CCDC91: variants seen among roughly 807,000 people sequenced by gnomAD.
The protein encoded by CCDC91 is coiled-coil domain-containing protein 91.
A neutral mutation model predicts 63.2 loss-of-function variants in CCDC91; 48 were observed. The ratio of observed to expected loss-of-function variants is 0.76; its 90% CI spans 0.60 to 0.97. The LOEUF (loss-of-function observed/expected upper bound fraction) is 0.97, where lower values mean the gene tolerates loss of function less well. CCDC91 is among the 50% of genes least tolerant of loss of function. CCDC91 has a pLI of 0.00. For synonymous variants in CCDC91, 167 were observed against 165.8 expected (o/e 1.01, Z -0.06); for missense variants, 500 against 494.6 (o/e 1.01, Z -0.10).
chr12:28,493,751 A>G (rs1006882020), intron 12 of CCDC91, among the ~76,000 whole-genome samples: 3 of 151,696 alleles, frequency 2.0e-5, no homozygotes, highest in African/African-American at 4.8e-5. Flanking sequence ...TACTGAAGGT[A>G]TCTCTTATAA....
intron 12 of CCDC91, among the ~76,000 whole-genome samples, chr12:28,491,046 A>G (rs1437453530): frequency 2.0e-5 from 3 of 151,844 alleles, no homozygotes; most frequent in Non-Finnish European, 4.4e-5. Flanking sequence ...ATGTAAATTT[A>G]TGTATGTACA....
At chr12:28,501,121 A>G (rs913548429) in intron 12 of CCDC91, among the ~76,000 whole-genome samples, 1 of 151,694 alleles carries the variant, frequency 6.6e-6, no homozygotes, top group African/African-American at 2.4e-5. Flanking sequence ...TGTAGCACCA[A>G]TTCTATAAGA....
intron 1 of CCDC91, among the ~76,000 whole-genome samples, chr12:28,198,273 T>C (rs1254245567): frequency 2.0e-5 from 3 of 152,196 alleles, no homozygotes; most frequent in Non-Finnish European, 4.4e-5. Flanking sequence ...TCAGAACTTC[T>C]GCAATTGTAG....
At chr12:28,242,207 G>A (rs1945393207) in intron 1 of CCDC91, among the ~76,000 whole-genome samples, 1 of 152,048 alleles carries the variant, frequency 6.6e-6, no homozygotes, top group South Asian at 2.1e-4. Context: ...CTTATAATGG[G>A]CCTTTCACAG....
intron 6 of CCDC91, among the ~76,000 whole-genome samples, chr12:28,339,032 G>C (rs1942221766): frequency 1.3e-5 from 2 of 152,124 alleles, no homozygotes; most frequent in South Asian, 4.2e-4. Flanking sequence ...GTAGAGACAG[G>C]GTTTCACCAT....
intron 6 of CCDC91, among the ~76,000 whole-genome samples, chr12:28,341,971 C>G (rs1359772411): frequency 1.3e-5 from 2 of 152,184 alleles, no homozygotes; most frequent in Non-Finnish European, 2.9e-5. Flanking sequence ...GAATATGTTG[C>G]ATGTCAAGAG....
At chr12:28,201,735 A>C (rs1301825630) in intron 1 of CCDC91, among the ~76,000 whole-genome samples, 1 of 142,826 alleles carries the variant, frequency 7.0e-6, no homozygotes, top group Non-Finnish European at 1.6e-5. Context: ...CAGCCTGGGC[A>C]TCATTGAGCA....
intron 1 of CCDC91, among the ~76,000 whole-genome samples, chr12:28,253,579 T>G (rs1946259460): frequency 6.6e-6 from 1 of 152,222 alleles, no homozygotes; most frequent in East Asian, 1.9e-4. Flanking sequence ...GAGGATTCTC[T>G]TATGTATTCA....
chr12:28,436,925 C>T (rs1367369195), intron 8 of CCDC91, among the ~76,000 whole-genome samples: 1 of 151,712 alleles, frequency 6.6e-6, no homozygotes, highest in Non-Finnish European at 1.5e-5. Flanking sequence ...AATTGTACAG[C>T]TGCTGTTAAT....
intron 11 of CCDC91, among the ~76,000 whole-genome samples, chr12:28,454,813 T>A (rs1949985624): frequency 6.6e-6 from 1 of 152,014 alleles, no homozygotes; most frequent in Non-Finnish European, 1.5e-5. Context: ...GGGATTGTGG[T>A]GAGAGTTAGG....
At chr12:28,438,623 A>G (rs1319326026) in intron 8 of CCDC91, among the ~76,000 whole-genome samples, 1 of 152,160 alleles carries the variant, frequency 6.6e-6, no homozygotes, top group Non-Finnish European at 1.5e-5. Flanking sequence ...TGTTAGGTTG[A>G]AATAAGTTTA....
At chr12:28,355,565 C>T (rs920189457) in intron 6 of CCDC91, among the ~76,000 whole-genome samples, 4 of 152,174 alleles carry the variant, frequency 2.6e-5, no homozygotes, top group South Asian at 2.1e-4. Flanking sequence ...TTATTCATTC[C>T]GCTTTGGCTC....
chr12:28,265,865 G>A (rs1947151257), intron 3 of CCDC91, among the ~76,000 whole-genome samples: 2 of 152,032 alleles, frequency 1.3e-5, no homozygotes, highest in South Asian at 4.1e-4. Flanking sequence ...TATAGGTAAT[G>A]CTTAAAAACT....
chr12:28,535,947 T>C (rs928761604), intron 12 of CCDC91, among the ~76,000 whole-genome samples: 2 of 151,308 alleles, frequency 1.3e-5, no homozygotes, highest in Non-Finnish European at 1.5e-5. Flanking sequence ...GAGAATGGCA[T>C]GAACCCGGGA....
At position 28,458,455 on chromosome 12, in the gene CCDC91, C is replaced by CTTTTTTTT. The variant is rs60083355; in HGVS notation, c.1101+5826_1101+5833dup. ...TTCCCTTTTGTCCTCATTTGCACAC[C>CTTTTTTTT]TTTTTTTTTTTTTTTTTTTTTTTTT... On this transcript the variant is annotated intron_variant, in intron 11 of 12. Coordinates refer to ENST00000536442, the MANE Select transcript of CCDC91 (RefSeq NM_018318.5). 3.4e-3 allele frequency among the ~76,000 whole-genome samples: 154 copies of CTTTTTTTT among 45,798 alleles called. 32 individuals carry two copies. The highest frequency in any genetic ancestry group is 0.015 in the African/African-American group (136 of 9,066). 30.0% of individuals were successfully genotyped at this position (45,798 alleles called of 152,430 possible). A position where few individuals can be genotyped will look rare whatever the true frequency, so the allele number is the denominator to read the frequency against.
At chr12:28,428,571 CCCCAAAAAAAA>C (rs1306502832) in intron 8 of CCDC91, among the ~76,000 whole-genome samples, 3 of 70,820 alleles carry the variant, frequency 4.2e-5, no homozygotes, top group South Asian at 5.3e-4. Context: ...CTCCGTCTCT[CCCCAAAAAAAA>C]AAAAAAAAAA....
intron 6 of CCDC91, among the ~76,000 whole-genome samples, chr12:28,352,949 T>C (rs560914871): frequency 7.2e-5 from 11 of 152,342 alleles, no homozygotes; most frequent in African/African-American, 2.4e-4. Flanking sequence ...CCTCTGGTTG[T>C]GAAAGTCCTG....
At chr12:28,344,341 CATT>C (rs1220158017) in intron 6 of CCDC91, among the ~76,000 whole-genome samples, 1 of 152,046 alleles carries the variant, frequency 6.6e-6, no homozygotes, top group Non-Finnish European at 1.5e-5. Flanking sequence ...TTTTCATCAT[CATT>C]AAACTCCAAT....
At chr12:28,311,549 G>A (rs1190706623) in intron 6 of CCDC91, among the ~76,000 whole-genome samples, 1 of 151,972 alleles carries the variant, frequency 6.6e-6, no homozygotes, top group Non-Finnish European at 1.5e-5. Context: ...AAATAAAGGC[G>A]AAACTTGGAA....
Sources: allele counts gnomAD v4.1 joint callset (sites outside exome capture counted in the v4.1 genomes callset), GRCh38; gene constraint gnomAD v4.1.1; transcripts MANE v1.5; gene names NCBI Gene and HGNC (gene_info 2026-07-23, HGNC 2026-07-21).